NVL: variants seen among roughly 807,000 people sequenced by gnomAD.
NVL encodes nuclear valosin-containing protein-like.
In NVL, 84 loss-of-function variants were observed where a neutral mutation model predicts 110.2. That is an observed-to-expected ratio of 0.76 (90% confidence interval 0.64 to 0.91). The LOEUF is 0.91. NVL is among the 40% of genes least tolerant of loss of function. NVL has a pLI of 0.00. For missense variants in NVL, 882 were observed against 1,035.9 expected, an observed-to-expected ratio of 0.85 and a Z score of 2.04; for synonymous variants, 354 against 361.1, an observed-to-expected ratio of 0.98 and a Z score of 0.22.
intron 19 of NVL, among the ~76,000 whole-genome samples, chr1:224,238,057 C>T (rs1298762800): frequency 4.0e-5 from 6 of 150,452 alleles, no homozygotes; most frequent in Admixed American, 4.0e-4. Context: ...TTCTTTGAGA[C>T]AGGGTCTGGC....
At chr1:224,251,369 G>A (rs1180981586) in intron 18 of NVL, among the ~76,000 whole-genome samples, 4 of 149,518 alleles carry the variant, frequency 2.7e-5, no homozygotes, top group Admixed American at 6.7e-5. Flanking sequence ...TAAATGAAAA[G>A]CTTCTGCTCA....
rs755275927 is a variant in NVL, at chr1:224,308,097, T to G, written c.509A>C (p.Glu170Ala). Residue 170 changes from glutamate (E) to alanine (A), a missense_variant, in exon 6 of 23, where the codon GAA (glutamate) becomes GCA (alanine). Physicochemically the swap from Glu to Ala is moderately radical, Grantham distance 107. This residue lies in a region of NVL where 274 missense variants were observed against 268.4 expected (regional missense o/e 1.02). Coordinates refer to ENST00000281701, the MANE Select transcript of NVL (RefSeq NM_002533.4). Reference sequence around the variant, plus strand: ...GGTTTTGTCAATAAACCATCCTCCTTCAGAATCTTTGGCAGGGGTCTTCAA... The same window carrying G: ...GGTTTTGTCAATAAACCATCCTCCTGCAGAATCTTTGGCAGGGGTCTTCAA... ...IPLKTPAKDS[E>A]GGWFIDKTPS... The G allele has an allele frequency of 6.2e-7, 1 of 1,613,096 alleles. No individual in the cohort carries two copies. Among genetic ancestry groups the G allele is most frequent in the Non-Finnish European group, 8.5e-7 (1 of 1,179,722 alleles).
intron 8 of NVL, among the ~76,000 whole-genome samples, chr1:224,304,144 C>T (rs558708584): frequency 6.6e-6 from 1 of 152,088 alleles, no homozygotes; most frequent in African/African-American, 2.4e-5. Flanking sequence ...GTTACCATTA[C>T]GGCCAGGCAT....
chr1:224,314,942 C>A (rs1194547165), intron 4 of NVL, among the ~76,000 whole-genome samples: 2 of 151,880 alleles, frequency 1.3e-5, no homozygotes, highest in African/African-American at 4.8e-5. Flanking sequence ...ACCCGGGAGG[C>A]GGTGGTTGCA....
chr1:224,278,053 A>G (rs894043755), intron 16 of NVL, among the ~76,000 whole-genome samples: 4 of 152,042 alleles, frequency 2.6e-5, no homozygotes, highest in African/African-American at 7.2e-5. Flanking sequence ...ACCCATTCCC[A>G]TGGTTTTAGA....
In NVL at chr1:224,326,450, G is replaced by A; in HGVS notation, c.72C>T (p.Asn24=). ...CAATGTCCACATATTTGCCACATTT[G>A]TTACTGGTAAGGTACTAAAACAGAA... ...KQRVIQYLTS[N]KCGKYVDIGV... The change falls in exon 2 of 23, where the codon AAC becomes AAT. Residue 24 remains asparagine, a synonymous_variant. Coordinates refer to ENST00000281701, the MANE Select transcript of NVL (RefSeq NM_002533.4). 1 of 1,611,260 alleles carries A rather than the reference G, an allele frequency of 6.2e-7. No individual in the cohort carries two copies. Among genetic ancestry groups the A allele is most frequent in the Non-Finnish European group, 8.5e-7 (1 of 1,177,988 alleles).
At chr1:224,233,080 TATTAGAAAAACGTTAGCTTTAATATC>T in intron 21 of NVL, 95 bp downstream of exon 21, 1 of 750,704 alleles carries the variant, frequency 1.3e-6, no homozygotes, top group South Asian at 2.1e-5. Flanking sequence ...CTAACAGTCT[TATTAGAAAAACGTTAGCTTTAATATC>T]ATAGATAATA....
chr1:224,242,035 A>C (rs1400371023), intron 19 of NVL, among the ~76,000 whole-genome samples: 1 of 151,788 alleles, frequency 6.6e-6, no homozygotes, highest in Non-Finnish European at 1.5e-5. Context: ...TCCGTCTCAA[A>C]AAAAAAAAAA....
intron 18 of NVL, among the ~76,000 whole-genome samples, chr1:224,250,794 G>C (rs1161773445): frequency 6.6e-6 from 1 of 152,008 alleles, no homozygotes; most frequent in African/African-American, 2.4e-5. Context: ...TCCCACTTAT[G>C]AGTGAGCACA....
intron 19 of NVL, among the ~76,000 whole-genome samples, chr1:224,239,895 G>A (rs1191821033): frequency 6.6e-6 from 1 of 151,984 alleles, no homozygotes; most frequent in African/African-American, 2.4e-5. Context: ...CTCTTTGTGA[G>A]GACCCAGAGG....
rs763159745 is a variant in NVL, at chr1:224,268,083, A to G, written c.2133T>C (p.Gly711=). 13 of 1,614,034 alleles carry G rather than the reference A, an allele frequency of 8.1e-6. No individual in the cohort carries two copies. The South Asian group carries it at 1.4e-4, about 18-fold the overall frequency. ...VVNQLLTEMD[G]LEARQQVFIM... ...TAAAAACCTGCTGGCGTGCTTCCAG[A>G]CCATCCATCTCTGTAAGTAGCTGAT... Residue 711 remains glycine, a synonymous_variant, in exon 18 of 23, where the codon GGT becomes GGC. Transcript: ENST00000281701.
At chr1:224,262,966 G>A (rs1020493146) in intron 18 of NVL, among the ~76,000 whole-genome samples, 2 of 152,158 alleles carry the variant, frequency 1.3e-5, no homozygotes, top group Non-Finnish European at 2.9e-5. Context: ...GGTGGGAGTG[G>A]AGGGTATGGA....
At position 224,250,200 on chromosome 1, in the gene NVL, TCC is replaced by T; in HGVS notation, c.2289+10_2289+11del. ...GAAACATATACAAAAATATACCATT[TCC>T]TTTACTCACTTTTGTGATAGTTTTT... On this transcript the variant is annotated intron_variant, in intron 19 of 22. Transcript: ENST00000281701. The T allele has an allele frequency of 2.5e-6, 4 of 1,608,328 alleles. No individual in the cohort carries two copies. The highest frequency in any genetic ancestry group is 3.4e-6 in the Non-Finnish European group (4 of 1,178,112).
chr1:224,255,118 C>T (rs955421329), intron 18 of NVL, among the ~76,000 whole-genome samples: 5 of 151,210 alleles, frequency 3.3e-5, no homozygotes, highest in African/African-American at 1.2e-4. Context: ...GATCCGTCTG[C>T]CTCGGTTCCC....
intron 1 of NVL, among the ~76,000 whole-genome samples, chr1:224,328,574 G>A (rs775744682): frequency 1.3e-5 from 2 of 152,190 alleles, no homozygotes; most frequent in South Asian, 4.1e-4. Flanking sequence ...AATAGTATAA[G>A]GTAGAGATGA....
chr1:224,321,167 C>T (rs1410324022), intron 2 of NVL, among the ~76,000 whole-genome samples: 6 of 152,112 alleles, frequency 3.9e-5, no homozygotes, highest in Non-Finnish European at 5.9e-5. Flanking sequence ...GAAGGATGAG[C>T]CCAGGGGGCT....
intron 19 of NVL, among the ~76,000 whole-genome samples, chr1:224,244,502 C>T (rs1661578880): frequency 6.6e-6 from 1 of 152,018 alleles, no homozygotes; most frequent in South Asian, 2.1e-4. Context: ...GGTGGAGTCT[C>T]CCTCTGTTGC....
chr1:224,286,181 C>G, intron 14 of NVL, 51 bp from the exon 15 acceptor site: 1 of 1,278,026 alleles, frequency 7.8e-7, no homozygotes, highest in Non-Finnish European at 1.1e-6. Flanking sequence ...TTTTATACTG[C>G]AGGTTCAAAT....
chr1:224,311,457 C>T (rs1475693128), intron 5 of NVL, among the ~76,000 whole-genome samples: 2 of 150,908 alleles, frequency 1.3e-5, no homozygotes, highest in Non-Finnish European at 3.0e-5. Context: ...CAGCCTTGAC[C>T]TCCTGGGCTC....
Sources: gnomAD v4.1 joint callset for allele counts (sites outside exome capture counted in the v4.1 genomes callset) on GRCh38, gnomAD v4.1.1 for gene constraint, gnomAD v4.1.1 regional missense constraint, MANE v1.5 for transcripts, NCBI Gene and HGNC (gene_info 2026-07-23, HGNC 2026-07-21) for gene names.